Variants in FGF14 observed in about 807,000 individuals in gnomAD.
FGF14 encodes the protein fibroblast growth factor homologous factor 4.
In FGF14, 5 loss-of-function variants were observed where a neutral mutation model predicts 25.5. The observed-to-expected ratio is 0.20, with a 90% CI of 0.10 to 0.41. The LOEUF is 0.41. Ranked by LOEUF, FGF14 falls within the 10% of genes least tolerant of loss-of-function variation. FGF14 has a pLI of 1.00. For synonymous variants in FGF14, 138 were observed against 118.3 expected (o/e 1.17, Z -1.08); for missense variants, 222 against 320.1 (o/e 0.69, Z 2.34).
chr13:102,113,876 C>T (rs2045344698), intron 1 of FGF14, among the ~76,000 whole-genome samples: 1 of 152,324 alleles, frequency 6.6e-6, no homozygotes, highest in East Asian at 1.9e-4. Context: ...ATCATTACTA[C>T]TTAGGCTACC....
At chr13:102,135,333 G>A (rs2046367983) in intron 1 of FGF14, among the ~76,000 whole-genome samples, 1 of 152,116 alleles carries the variant, frequency 6.6e-6, no homozygotes, top group Admixed American at 6.5e-5. Context: ...ATGTGCCCCA[G>A]CTAACATCTG....
chr13:102,116,869 G>T (rs564475440), intron 1 of FGF14, among the ~76,000 whole-genome samples: 44 of 152,314 alleles, frequency 2.9e-4, no homozygotes, highest in South Asian at 6.2e-4. Context: ...GAAAAGCCCA[G>T]TTAAGCTCCT....
intron 3 of FGF14, among the ~76,000 whole-genome samples, chr13:101,771,914 C>A (rs1165913331): frequency 6.6e-6 from 1 of 151,906 alleles, no homozygotes; most frequent in East Asian, 1.9e-4. Context: ...ACCTTTCCAG[C>A]CCATATACAT....
chr13:102,305,304 G>A (rs2055313119), intron 1 of FGF14, among the ~76,000 whole-genome samples: 1 of 151,862 alleles, frequency 6.6e-6, no homozygotes, highest in Admixed American at 6.6e-5. Context: ...TAAAAAAACA[G>A]AGCTCCAATG....
intron 1 of FGF14, among the ~76,000 whole-genome samples, chr13:102,084,743 C>T (rs2043809662): frequency 6.6e-6 from 1 of 152,220 alleles, no homozygotes; most frequent in Admixed American, 6.5e-5. Flanking sequence ...CTTGTATTCC[C>T]TCATGATCAG....
intron 1 of FGF14, among the ~76,000 whole-genome samples, chr13:102,075,551 T>C (rs776677532): frequency 1.3e-5 from 2 of 152,220 alleles, no homozygotes; most frequent in Non-Finnish European, 2.9e-5. Flanking sequence ...CACATAATAG[T>C]TGATAATTAT....
chr13:102,071,890 G>A (rs1232673526), intron 1 of FGF14, among the ~76,000 whole-genome samples: 1 of 152,158 alleles, frequency 6.6e-6, no homozygotes, highest in Non-Finnish European at 1.5e-5. Flanking sequence ...TGGGAGTGGT[G>A]GGAATTACAC....
chr13:102,071,812 T>C (rs971636237), intron 1 of FGF14, among the ~76,000 whole-genome samples: 4 of 152,086 alleles, frequency 2.6e-5, no homozygotes, highest in Non-Finnish European at 1.5e-5. Flanking sequence ...TATATAGAGA[T>C]CTGGGCAATC....
intron 1 of FGF14, among the ~76,000 whole-genome samples, chr13:102,189,570 T>C (rs777659839): frequency 6.6e-6 from 1 of 152,160 alleles, no homozygotes; most frequent in Non-Finnish European, 1.5e-5. Context: ...ATAGGTCTCA[T>C]AGGAAGAGTA....
intron 1 of FGF14, among the ~76,000 whole-genome samples, chr13:102,036,366 C>G (rs756236707): frequency 1.3e-5 from 2 of 152,132 alleles, no homozygotes; most frequent in Non-Finnish European, 2.9e-5. Context: ...ACCTCCTGTT[C>G]ACATGACAGT....
intron 1 of FGF14, among the ~76,000 whole-genome samples, chr13:102,159,361 G>C (rs573907038): frequency 6.6e-6 from 1 of 152,030 alleles, no homozygotes; most frequent in Non-Finnish European, 1.5e-5. Flanking sequence ...AAGATGAATC[G>C]GTTTTCTCCA....
At chr13:101,812,611 C>CTATATATATA (rs35878751) in intron 3 of FGF14, among the ~76,000 whole-genome samples, 1 of 12,374 alleles carries the variant, frequency 8.1e-5, no homozygotes, top group Admixed American at 1.6e-3. Context: ...ATTTTTAAAA[C>CTATATATATA]TATATATATA....
At chr13:102,318,658 A>C (rs976840811) in intron 1 of FGF14, among the ~76,000 whole-genome samples, 1 of 152,214 alleles carries the variant, frequency 6.6e-6, no homozygotes, top group African/African-American at 2.4e-5. Context: ...GTAAGGACAC[A>C]GTCATATTCA....
At chr13:102,104,412 A>G (rs544928648) in intron 1 of FGF14, among the ~76,000 whole-genome samples, 1 of 152,310 alleles carries the variant, frequency 6.6e-6, no homozygotes, top group South Asian at 2.1e-4. Flanking sequence ...TAGGTCACAC[A>G]ATTAGTGGCA....
chr13:101,725,273 ATG>A (rs893732394), intron 4 of FGF14, among the ~76,000 whole-genome samples: 1 of 152,020 alleles, frequency 6.6e-6, no homozygotes, highest in African/African-American at 2.4e-5. Flanking sequence ...TGTATCATGG[ATG>A]TGTTTTTTTT....
intron 1 of FGF14, chr13:102,395,089 C>G (rs1365945705): frequency 6.6e-6 from 1 of 152,212 alleles, no homozygotes; most frequent in Non-Finnish European, 1.5e-5. Context: ...CAGGGAGCTG[C>G]GAAGTTGGAA....
intron 3 of FGF14, among the ~76,000 whole-genome samples, chr13:101,746,124 C>T (rs1194461795): frequency 6.6e-6 from 1 of 152,004 alleles, no homozygotes; most frequent in Non-Finnish European, 1.5e-5. Context: ...AACATTGTCA[C>T]ATTGGACTCC....
intron 1 of FGF14, among the ~76,000 whole-genome samples, chr13:102,383,469 T>C (rs1304268257): frequency 6.6e-6 from 1 of 152,172 alleles, no homozygotes; most frequent in Non-Finnish European, 1.5e-5. Context: ...TTTCAACATA[T>C]TACTATCTTT....
intron 1 of FGF14, among the ~76,000 whole-genome samples, chr13:102,051,173 A>T (rs1475987211): frequency 6.6e-6 from 1 of 152,162 alleles, no homozygotes; most frequent in African/African-American, 2.4e-5. Context: ...AGTGTGAAAC[A>T]TCTCATTACA....
Sources: gnomAD v4.1 joint callset for allele counts (sites outside exome capture counted in the v4.1 genomes callset) on GRCh38, gnomAD v4.1.1 for gene constraint, MANE v1.5 for transcripts, NCBI Gene and HGNC (gene_info 2026-07-23, HGNC 2026-07-21) for gene names.